The following MALRD1 variants were observed in gnomAD, a reference collection of about 807,000 sequenced individuals.
MALRD1 encodes the protein MAM and LDL receptor class A domain containing 1.
MALRD1 carries 247 observed loss-of-function variants against 242.1 expected under a neutral mutation model. The observed-to-expected ratio is 1.02, with a 90% CI of 0.92 to 1.13. The LOEUF (loss-of-function observed/expected upper bound fraction) is 1.13, where lower values mean the gene tolerates loss of function less well. Among genes scored for constraint, MALRD1 ranks in the 50% most tolerant of loss-of-function variants. The pLI, the probability that MALRD1 is intolerant of heterozygous loss-of-function variation, is 0.00. For missense variants in MALRD1, 2,989 were observed against 2,533.1 expected, an observed-to-expected ratio of 1.18 and a Z score of -3.86; for synonymous variants, 995 against 866.6, an observed-to-expected ratio of 1.15 and a Z score of -2.60.
At chr10:19,290,263 G>A (rs1342602793) in intron 21 of MALRD1, 2 of 152,130 alleles carry the variant, frequency 1.3e-5, no homozygotes, top group Non-Finnish European at 2.9e-5. Context: ...ATGTTTGTGG[G>A]AGAGTAACAC....
rs890479978 is a variant in MALRD1, at chr10:19,215,895, C to A, written c.2991+6215C>A. Among the ~76,000 whole-genome samples, 6 of 151,022 alleles carry A rather than the reference C, an allele frequency of 4.0e-5. No individual in the cohort carries two copies. In the South Asian group the frequency reaches 8.3e-4, roughly 21 times the overall value. ...CTTTATTTTGCTGCCAAAATTGAAA[C>A]CTTTGCATAGTTTTTTTTCATAATA... is the stretch of plus-strand genomic sequence containing the variant. On this transcript the variant is annotated intron_variant, in intron 18 of 39. Transcript: ENST00000454679.
chr10:19,333,575 CTT>C (rs1221905374), intron 24 of MALRD1, among the ~76,000 whole-genome samples: 1 of 152,094 alleles, frequency 6.6e-6, no homozygotes, highest in African/African-American at 2.4e-5. Context: ...GATTCCATGT[CTT>C]TGCTATTGTG....
chr10:19,659,632 A>C (rs1186574405), intron 36 of MALRD1, among the ~76,000 whole-genome samples: 1 of 152,114 alleles, frequency 6.6e-6, no homozygotes, highest in African/African-American at 2.4e-5. Flanking sequence ...CATTGTCTGG[A>C]TCTTCAGGAT....
chr10:19,135,801 C>A (rs1384920253), intron 9 of MALRD1, among the ~76,000 whole-genome samples: 1 of 152,192 alleles, frequency 6.6e-6, no homozygotes, highest in Non-Finnish European at 1.5e-5. Flanking sequence ...TATACTTCTG[C>A]ACTTTTGGTG....
chr10:19,148,545 G>T (rs1011650606), intron 11 of MALRD1, among the ~76,000 whole-genome samples: 2 of 151,892 alleles, frequency 1.3e-5, no homozygotes, highest in South Asian at 2.1e-4. Context: ...AAATATGTTT[G>T]TAATTCACCT....
chr10:19,711,921 G>C (rs928007134), intron 38 of MALRD1, among the ~76,000 whole-genome samples: 2 of 152,178 alleles, frequency 1.3e-5, no homozygotes, highest in South Asian at 4.1e-4. Flanking sequence ...ACAGGAATTA[G>C]AGAGGGGTAA....
intron 36 of MALRD1, among the ~76,000 whole-genome samples, chr10:19,662,646 A>T (rs1303903123): frequency 6.6e-6 from 1 of 152,142 alleles, no homozygotes; most frequent in Non-Finnish European, 1.5e-5. Context: ...GAAAGAGAAA[A>T]GTCAGGTTTT....
chr10:19,688,670 CAG>C (rs1016692654), intron 36 of MALRD1, among the ~76,000 whole-genome samples: 25 of 152,170 alleles, frequency 1.6e-4, no homozygotes, highest in African/African-American at 6.0e-4. Context: ...CCACAGTACT[CAG>C]GGGGATGGCA....
intron 19 of MALRD1, among the ~76,000 whole-genome samples, chr10:19,270,328 T>TCA (rs1840159028): frequency 1.1e-5 from 1 of 94,302 alleles, no homozygotes; most frequent in African/African-American, 4.2e-5. Flanking sequence ...TCTCTCTCTC[T>TCA]CTCTCTCTCA....
chr10:19,348,066 T>G, intron 25 of MALRD1, 48 bp downstream of exon 25: 1 of 1,512,810 alleles, frequency 6.6e-7, no homozygotes, highest in East Asian at 2.5e-5. Flanking sequence ...AGAATTATTG[T>G]GAGCAAGTTT....
At chr10:19,631,570 C>T (rs1839907380) in intron 36 of MALRD1, among the ~76,000 whole-genome samples, 1 of 152,130 alleles carries the variant, frequency 6.6e-6, no homozygotes, top group African/African-American at 2.4e-5. Context: ...AATCATCACA[C>T]TGCTTTCCAC....
intron 19 of MALRD1, among the ~76,000 whole-genome samples, chr10:19,273,236 G>A (rs947018218): frequency 1.3e-5 from 2 of 152,072 alleles, no homozygotes; most frequent in Non-Finnish European, 2.9e-5. Flanking sequence ...AAATTAAAAT[G>A]TCAAATGTGA....
rs1221506542 is a variant in MALRD1, at chr10:19,209,430, T to A, written c.2741T>A (p.Ile914Lys). Residue 914 changes from isoleucine (I) to lysine (K), a missense_variant, in exon 18 of 40, where the codon ATA becomes AAA. Coordinates refer to ENST00000454679, the MANE Select transcript of MALRD1 (RefSeq NM_001142308.3). ...ACAGCTAAAGGACACTATCTCTACA[T>A]AGAATCTTCAGAGCCACAGGCTTTT... ...LGTAKGHYLY[I>K]ESSEPQAFQD... 3 of 1,550,954 alleles carry A rather than the reference T, an allele frequency of 1.9e-6. No individual in the cohort carries two copies. Among genetic ancestry groups the A allele is most frequent in the Non-Finnish European group, 8.7e-7 (1 of 1,147,070 alleles).
chr10:19,456,924 C>A (rs1460564330), intron 29 of MALRD1, among the ~76,000 whole-genome samples: 1 of 151,906 alleles, frequency 6.6e-6, no homozygotes, highest in Non-Finnish European at 1.5e-5. Flanking sequence ...AGGCATGCAC[C>A]ACCATGCCCA....
chr10:19,154,511 T>C (rs1009719426), intron 11 of MALRD1, among the ~76,000 whole-genome samples: 1 of 152,204 alleles, frequency 6.6e-6, no homozygotes, highest in Non-Finnish European at 1.5e-5. Context: ...TTTAAGCTGC[T>C]GAGAGATGTT....
intron 18 of MALRD1, 110 bp from the exon 19 acceptor site, chr10:19,257,574 G>A (rs1282892878): frequency 7.1e-6 from 6 of 840,894 alleles, no homozygotes; most frequent in Non-Finnish European, 1.1e-5. Flanking sequence ...TAATGGCACA[G>A]AAGGTTATAT....
Position 19,636,283 on chromosome 10 carries a change from CCAAA to C in MALRD1, c.6137+20363_6137+20366del, listed in dbSNP as rs549623152. On this transcript the variant is annotated intron_variant, in intron 36 of 39. Transcript: ENST00000454679. ...GAGGGTGAAATAAAGACATTGTCAGCCAAACAGAGTTAGGAACATTTACTACCCA... is the reference window on the plus strand; with the variant it reads ...GAGGGTGAAATAAAGACATTGTCAGCCAGAGTTAGGAACATTTACTACCCA... 2.0e-3 allele frequency among the ~76,000 whole-genome samples: 311 copies of C among 152,096 alleles called. 2 individuals are homozygous for C. The highest frequency in any genetic ancestry group is 6.1e-3 in the African/African-American group (255 of 41,488).
intron 11 of MALRD1, among the ~76,000 whole-genome samples, chr10:19,148,788 A>AAAATATATAT (rs1206724666): frequency 1.2e-4 from 11 of 88,014 alleles, no homozygotes; most frequent in East Asian, 2.7e-4. Context: ...AAAAAAAAAA[A>AAAATATATAT]ATATATATAT....
At chr10:19,174,923 TATGACTCTTAATGGCTCCA>T (rs1419675010) in intron 13 of MALRD1, among the ~76,000 whole-genome samples, 8 of 152,178 alleles carry the variant, frequency 5.3e-5, no homozygotes, top group African/African-American at 1.9e-4. Flanking sequence ...TATAAATGCA[TATGACTCTTAATGGCTCCA>T]ATGAGAAGAG....
Sources: allele counts gnomAD v4.1 joint callset (sites outside exome capture counted in the v4.1 genomes callset), GRCh38; gene constraint gnomAD v4.1.1; transcripts MANE v1.5; gene names NCBI Gene and HGNC (gene_info 2026-07-23, HGNC 2026-07-21).